ABTB3: variants seen among roughly 807,000 people sequenced by gnomAD.
ABTB3 encodes the protein ankyrin repeat- and BTB/POZ domain-containing protein 3.
At chr12:107,612,995 C>T in the ABTB3 span, 2 of 873,516 alleles carry the variant, frequency 2.3e-6, no homozygotes, top group East Asian at 2.7e-5. Flanking sequence ...TAGCTCTTTC[C>T]TGTGTCCTTT....
the ABTB3 span, among the ~76,000 whole-genome samples, chr12:107,335,141 G>A: frequency 1.3e-5 from 2 of 151,814 alleles, no homozygotes; most frequent in African/African-American, 2.4e-5. Flanking sequence ...TAAAGAGTCA[G>A]CTGAGAGTGG....
At chr12:107,440,812 C>G in the ABTB3 span, among the ~76,000 whole-genome samples, 435 of 152,278 alleles carry the variant, frequency 2.9e-3, 5 homozygotes, top group African/African-American at 9.4e-3. Flanking sequence ...GCGAGGCCCA[C>G]CCATGTGACA....
chr12:107,546,583 G>A, the ABTB3 span, among the ~76,000 whole-genome samples: 10 of 152,304 alleles, frequency 6.6e-5, no homozygotes, highest in East Asian at 1.7e-3. Context: ...ATGTCTACAC[G>A]GTATCCTTGC....
the ABTB3 span, among the ~76,000 whole-genome samples, chr12:107,521,327 G>A: frequency 6.6e-6 from 1 of 151,622 alleles, no homozygotes; most frequent in South Asian, 2.1e-4. Context: ...TGGCCTTCGT[G>A]CAAGGCTGTG....
At chr12:107,581,762 C>A in the ABTB3 span, among the ~76,000 whole-genome samples, 1 of 152,170 alleles carries the variant, frequency 6.6e-6, no homozygotes, top group African/African-American at 2.4e-5. Flanking sequence ...GGGCTCTCCT[C>A]TGTCAAGGTG....
the ABTB3 span, among the ~76,000 whole-genome samples, chr12:107,547,590 T>G: frequency 6.6e-6 from 1 of 152,208 alleles, no homozygotes; most frequent in South Asian, 2.1e-4. Flanking sequence ...ATCTCATTCT[T>G]TCCATGCCTC....
the ABTB3 span, among the ~76,000 whole-genome samples, chr12:107,566,680 C>CACACACAA: frequency 2.4e-4 from 36 of 151,486 alleles, no homozygotes; most frequent in African/African-American, 8.1e-4. Context: ...CACACACACA[C>CACACACAA]ACACAAACAT....
chr12:107,575,861 C>T, the ABTB3 span, among the ~76,000 whole-genome samples: 25 of 152,246 alleles, frequency 1.6e-4, no homozygotes, highest in Middle Eastern at 3.4e-3. Context: ...TGGACATCTT[C>T]GGTTAGGGGT....
At chr12:107,324,877 T>C in the ABTB3 span, among the ~76,000 whole-genome samples, 1 of 152,220 alleles carries the variant, frequency 6.6e-6, no homozygotes, top group African/African-American at 2.4e-5. Flanking sequence ...CCCCAAATTT[T>C]CACTCTACCA....
the ABTB3 span, among the ~76,000 whole-genome samples, chr12:107,594,315 T>C: frequency 6.6e-6 from 1 of 152,218 alleles, no homozygotes; most frequent in East Asian, 1.9e-4. Context: ...AGACCCAGAA[T>C]TTCTATCTTT....
the ABTB3 span, among the ~76,000 whole-genome samples, chr12:107,461,537 A>G: frequency 1.7e-5 from 2 of 116,096 alleles, no homozygotes; most frequent in Non-Finnish European, 3.8e-5. Flanking sequence ...TTGCTTTTGG[A>G]CTTCTGGCCT....
At chr12:107,516,818 C>G in the ABTB3 span, among the ~76,000 whole-genome samples, 59,038 of 152,062 alleles carry the variant, frequency 0.39, 12,074 homozygotes, top group African/African-American at 0.5. Flanking sequence ...TGTCTCCCCT[C>G]ACCTGCTAGT....
chr12:107,653,131 C>G, the ABTB3 span, among the ~76,000 whole-genome samples: 1 of 152,182 alleles, frequency 6.6e-6, no homozygotes, highest in Admixed American at 6.5e-5. Flanking sequence ...TTTGGTATAA[C>G]TGGAGCCCAG....
chr12:107,398,934 C>G, the ABTB3 span, among the ~76,000 whole-genome samples: 2 of 152,172 alleles, frequency 1.3e-5, no homozygotes, highest in African/African-American at 4.8e-5. Flanking sequence ...CCTAGACAAG[C>G]TATACTGGCA....
At chr12:107,649,995 A>G in the ABTB3 span, 1 of 152,228 alleles carries the variant, frequency 6.6e-6, no homozygotes, top group African/African-American at 2.4e-5. Flanking sequence ...TTGAACCAGA[A>G]GCCAAAAATC....
chr12:107,333,685 T>C, the ABTB3 span, among the ~76,000 whole-genome samples: 1 of 152,228 alleles, frequency 6.6e-6, no homozygotes, highest in African/African-American at 2.4e-5. Context: ...ATCGAGAGCC[T>C]ACTATATACC....
chr12:107,608,972 A>AT, the ABTB3 span, among the ~76,000 whole-genome samples: 6 of 89,166 alleles, frequency 6.7e-5, no homozygotes, highest in African/African-American at 2.9e-4. Context: ...ATAAAATATA[A>AT]AATAAAATAA....
At chr12:107,554,350 T>A in the ABTB3 span, among the ~76,000 whole-genome samples, 187 of 109,720 alleles carry the variant, frequency 1.7e-3, 2 homozygotes, top group South Asian at 0.014. Flanking sequence ...AGTTCTAGAT[T>A]TTTTTTTTTA....
the ABTB3 span, among the ~76,000 whole-genome samples, chr12:107,476,303 A>C: frequency 7.9e-3 from 1,208 of 152,188 alleles, 31 homozygotes; most frequent in African/African-American, 0.028. Flanking sequence ...TGTGATCTGG[A>C]GACTTTGGTT....
Sources: gnomAD v4.1 joint callset for allele counts (sites outside exome capture counted in the v4.1 genomes callset) on GRCh38, gnomAD v4.1.1 for gene constraint, MANE v1.5 for transcripts, NCBI Gene and HGNC (gene_info 2026-07-23, HGNC 2026-07-21) for gene names.